Variants in TP63 observed in about 807,000 individuals in gnomAD.
The protein encoded by TP63 is tumor protein 63.
In TP63, 17 loss-of-function variants were observed where a neutral mutation model predicts 82.8. The observed-to-expected ratio is 0.21, with a 90% CI of 0.14 to 0.31. The LOEUF is 0.31. Ranked by LOEUF, TP63 falls within the 10% of genes least tolerant of loss-of-function variation. The probability of loss-of-function intolerance (pLI) is 1.00; values close to 1 mark genes in which losing one functional copy is unlikely to be tolerated. For missense variants in TP63, 648 were observed against 895.3 expected (o/e 0.72, Z 3.52); for synonymous variants, 330 against 321.7 (o/e 1.03, Z -0.28).
chr3:189,872,744 G>A (rs914803878), intron 9 of TP63, 115 bp from the exon 10 acceptor site: 7 of 1,445,680 alleles, frequency 4.8e-6, no homozygotes, highest in Admixed American at 3.8e-5. Flanking sequence ...ACAAATAAAC[G>A]TTAGCAAATA....
chr3:189,676,464 A>G (rs28820407), intron 1 of TP63, among the ~76,000 whole-genome samples: 77,537 of 151,896 alleles, frequency 0.51, 19,956 homozygotes, highest in African/African-American at 0.58. Flanking sequence ...CTTCAGTTAT[A>G]TCATGTTGCA....
intron 10 of TP63, among the ~76,000 whole-genome samples, chr3:189,886,080 G>C (rs2108853504): frequency 6.6e-6 from 1 of 152,262 alleles, no homozygotes; most frequent in East Asian, 1.9e-4. Context: ...AGGGAAAAGA[G>C]GAGAAGGGAA....
At chr3:189,819,161 C>A (rs1048732767) in intron 4 of TP63, among the ~76,000 whole-genome samples, 1 of 152,064 alleles carries the variant, frequency 6.6e-6, no homozygotes, top group Admixed American at 6.6e-5. Flanking sequence ...GAAAATGTAT[C>A]CTTATTGTGA....
At chr3:189,679,051 G>A (rs1305651789) in intron 1 of TP63, among the ~76,000 whole-genome samples, 3 of 151,978 alleles carry the variant, frequency 2.0e-5, no homozygotes, top group African/African-American at 4.8e-5. Context: ...GATGAACAGA[G>A]GTTGATTCCG....
chr3:189,665,779 A>T (rs528054067), intron 1 of TP63, among the ~76,000 whole-genome samples: 1 of 152,242 alleles, frequency 6.6e-6, no homozygotes, highest in South Asian at 2.1e-4. Flanking sequence ...AAAGTCAGCT[A>T]ATTCCTACAG....
intron 4 of TP63, among the ~76,000 whole-genome samples, chr3:189,835,915 AAATAAT>A (rs71711373): frequency 0.086 from 11,764 of 136,734 alleles, 546 homozygotes; most frequent in Admixed American, 0.12. Flanking sequence ...CTCCATCTCA[AAATAAT>A]AATAATAATA....
In TP63 at chr3:189,885,477, C is replaced by T. The variant is rs577336178; in HGVS notation, c.1350-917C>T. Among the ~76,000 whole-genome samples, 52 of 152,244 alleles carry T rather than the reference C, an allele frequency of 3.4e-4. No homozygotes were observed. The South Asian group carries it at 8.9e-3, about 26-fold the overall frequency. ...ACAAAGGCCAGGATGTTAAGTAGCTCGCATGGGCATCTATAGCATCCTAAC... is the reference window on the plus strand; with the variant it reads ...ACAAAGGCCAGGATGTTAAGTAGCTTGCATGGGCATCTATAGCATCCTAAC... On this transcript the variant is annotated intron_variant, in intron 10 of 13. Coordinates refer to ENST00000264731, the MANE Select transcript of TP63 (RefSeq NM_003722.5).
intron 3 of TP63, among the ~76,000 whole-genome samples, chr3:189,752,115 A>T (rs1417246441): frequency 6.6e-6 from 1 of 152,064 alleles, no homozygotes; most frequent in Non-Finnish European, 1.5e-5. Context: ...GGATTTGGTT[A>T]ATTTCATCAA....
intron 4 of TP63, among the ~76,000 whole-genome samples, chr3:189,842,662 A>T (rs1714307076): frequency 6.6e-6 from 1 of 152,164 alleles, no homozygotes; most frequent in Non-Finnish European, 1.5e-5. Flanking sequence ...AGAAGAGGGA[A>T]AACTAACTGC....
chr3:189,765,627 G>T (rs1722903116), intron 3 of TP63, among the ~76,000 whole-genome samples: 1 of 151,138 alleles, frequency 6.6e-6, no homozygotes, highest in Admixed American at 6.6e-5. Context: ...TAGAGACAGG[G>T]TTTCACCGTT....
intron 3 of TP63, among the ~76,000 whole-genome samples, chr3:189,765,293 A>G (rs937017407): frequency 2.0e-5 from 3 of 152,020 alleles, no homozygotes; most frequent in African/African-American, 7.2e-5. Flanking sequence ...AAACAAATGT[A>G]TCCCCGTATA....
intron 3 of TP63, among the ~76,000 whole-genome samples, chr3:189,758,213 T>C (rs1356353955): frequency 6.6e-6 from 1 of 152,176 alleles, no homozygotes; most frequent in Non-Finnish European, 1.5e-5. Flanking sequence ...CACAACAGGG[T>C]TCGTGCTCCT....
the TP63 span, among the ~76,000 whole-genome samples, chr3:189,598,196 A>T: frequency 6.6e-6 from 1 of 152,062 alleles, no homozygotes; most frequent in South Asian, 2.1e-4. Flanking sequence ...CATACGAAAC[A>T]CAATAAATAA....
At chr3:189,681,349 C>A (rs1432226282) in intron 1 of TP63, among the ~76,000 whole-genome samples, 1 of 152,132 alleles carries the variant, frequency 6.6e-6, no homozygotes. Flanking sequence ...ATGTCACTTC[C>A]ATTAGCATAC....
chr3:189,851,714 A>C (rs963839907), intron 4 of TP63, among the ~76,000 whole-genome samples: 1 of 152,150 alleles, frequency 6.6e-6, no homozygotes, highest in Non-Finnish European at 1.5e-5. Flanking sequence ...CTGATAGTTG[A>C]GTTGGCACCA....
intron 4 of TP63, among the ~76,000 whole-genome samples, chr3:189,839,061 A>G (rs1187912842): frequency 3.3e-5 from 5 of 150,676 alleles, no homozygotes; most frequent in East Asian, 3.9e-4. Flanking sequence ...AAAAAAAAAA[A>G]AAAGAAAAAG....
chr3:189,615,192 C>T, the TP63 span, among the ~76,000 whole-genome samples: 5 of 152,188 alleles, frequency 3.3e-5, no homozygotes, highest in African/African-American at 7.2e-5. Flanking sequence ...ATGTAAGACT[C>T]GTGTGCCATC....
intron 4 of TP63, among the ~76,000 whole-genome samples, chr3:189,832,046 G>A (rs1483102015): frequency 1.3e-5 from 2 of 151,826 alleles, no homozygotes; most frequent in African/African-American, 4.8e-5. Context: ...TGGTCAGGCT[G>A]GTCTTGAACG....
At chr3:189,854,055 A>G (rs1345414532) in intron 4 of TP63, among the ~76,000 whole-genome samples, 2 of 152,196 alleles carry the variant, frequency 1.3e-5, no homozygotes, top group Non-Finnish European at 2.9e-5. Flanking sequence ...TTAAAGTCTT[A>G]CTTCTATCTG....
Sources: gnomAD v4.1 joint callset for allele counts (sites outside exome capture counted in the v4.1 genomes callset) on GRCh38, gnomAD v4.1.1 for gene constraint, MANE v1.5 for transcripts, NCBI Gene and HGNC (gene_info 2026-07-23, HGNC 2026-07-21) for gene names.